SGCZ: variants seen among roughly 807,000 people sequenced by gnomAD.
The protein encoded by SGCZ is sarcoglycan zeta, also known as zeta-sarcoglycan.
In SGCZ, 40 loss-of-function variants were observed where a neutral mutation model predicts 41.3. The ratio of observed to expected loss-of-function variants is 0.97; its 90% CI spans 0.75 to 1.26. SGCZ has a LOEUF of 1.26. SGCZ is among the 50% of genes most tolerant of loss of function. SGCZ has a pLI of 0.00. For missense variants in SGCZ, 552 were observed against 369.8 expected (o/e 1.49, Z -4.04); for synonymous variants, 206 against 137.5 (o/e 1.50, Z -3.49).
intron 3 of SGCZ, among the ~76,000 whole-genome samples, chr8:14,266,221 T>A (rs1406574132): frequency 6.6e-6 from 1 of 152,084 alleles, no homozygotes; most frequent in African/African-American, 2.4e-5. Context: ...TCATATAAAT[T>A]GAACCAAAAT....
At chr8:14,401,507 A>G (rs1399000794) in intron 2 of SGCZ, among the ~76,000 whole-genome samples, 5 of 140,910 alleles carry the variant, frequency 3.5e-5, no homozygotes, top group Non-Finnish European at 7.5e-5. Context: ...CTCATTGTTC[A>G]GTTCCCACCT....
chr8:14,648,485 G>C (rs1585152897), intron 1 of SGCZ, among the ~76,000 whole-genome samples: 1 of 152,044 alleles, frequency 6.6e-6, no homozygotes, highest in East Asian at 1.9e-4. Context: ...AGTACATTGT[G>C]ACATGTTAAG....
intron 1 of SGCZ, among the ~76,000 whole-genome samples, chr8:15,033,016 G>A (rs1420126375): frequency 1.3e-5 from 2 of 151,934 alleles, no homozygotes; most frequent in Admixed American, 6.6e-5. Flanking sequence ...ACAGGCCAGC[G>A]CCTGTGGACA....
intron 4 of SGCZ, among the ~76,000 whole-genome samples, chr8:14,167,424 G>C (rs1176763725): frequency 6.6e-6 from 1 of 152,092 alleles, no homozygotes; most frequent in Admixed American, 6.6e-5. Flanking sequence ...GATCATAGGT[G>C]ATGGGATTAT....
chr8:15,099,856 G>A (rs894835254), intron 1 of SGCZ, among the ~76,000 whole-genome samples: 4 of 151,858 alleles, frequency 2.6e-5, no homozygotes, highest in African/African-American at 7.3e-5. Flanking sequence ...AAAATTACAT[G>A]ATCATATCAA....
intron 3 of SGCZ, among the ~76,000 whole-genome samples, chr8:14,302,994 G>C (rs183582137): frequency 1.3e-5 from 2 of 152,120 alleles, no homozygotes; most frequent in East Asian, 3.9e-4. Context: ...ACTTGCTCAG[G>C]GCCTCCTTTG....
chr8:14,539,251 T>C (rs1585060355), intron 2 of SGCZ, among the ~76,000 whole-genome samples: 1 of 152,130 alleles, frequency 6.6e-6, no homozygotes, highest in East Asian at 1.9e-4. Context: ...TTTCAGCCTC[T>C]AATACAAAAC....
chr8:15,022,663 C>T (rs1477213693), intron 1 of SGCZ, among the ~76,000 whole-genome samples: 1 of 152,034 alleles, frequency 6.6e-6, no homozygotes, highest in Non-Finnish European at 1.5e-5. Context: ...TTAAATAGAA[C>T]AACACATAAC....
chr8:15,077,793 T>C (rs1805593186), intron 1 of SGCZ, among the ~76,000 whole-genome samples: 3 of 152,200 alleles, frequency 2.0e-5, no homozygotes, highest in South Asian at 2.1e-4. Context: ...GATAGCTCCA[T>C]AGACCCATGC....
chr8:14,309,308 G>A (rs1801449219), intron 3 of SGCZ: 2 of 1,589,164 alleles, frequency 1.3e-6, no homozygotes, highest in Non-Finnish European at 1.7e-6. Context: ...TTTTAAGGAT[G>A]GTATTGAGAC....
intron 2 of SGCZ, among the ~76,000 whole-genome samples, chr8:14,333,437 G>T (rs147695283): frequency 6.6e-6 from 1 of 152,080 alleles, no homozygotes; most frequent in East Asian, 1.9e-4. Flanking sequence ...CTTTTAACAA[G>T]GCAATAAAGA....
rs75512900 is a variant in SGCZ, at chr8:14,318,241, G to C, written c.336+5862C>G. ...GAAAAGGAGAGGAACAGGAGGAAGA[G>C]GGAGAAGGGCAAGAAAAGGAAGAGA... On this transcript the variant is annotated intron_variant, in intron 3 of 7. Transcript: ENST00000382080. Among the ~76,000 whole-genome samples the C allele has an allele frequency of 2.8e-4, 42 of 151,794 alleles. 1 individual carries two copies. In the East Asian group the frequency reaches 7.6e-3, roughly 27 times the overall value.
At chr8:14,904,868 T>A (rs1799077144) in intron 1 of SGCZ, among the ~76,000 whole-genome samples, 1 of 152,002 alleles carries the variant, frequency 6.6e-6, no homozygotes, top group Non-Finnish European at 1.5e-5. Context: ...TTATTATTAT[T>A]TCTTCCTTAG....
At chr8:14,573,494 CT>C (rs1189734392) in intron 1 of SGCZ, among the ~76,000 whole-genome samples, 1 of 151,948 alleles carries the variant, frequency 6.6e-6, no homozygotes, top group Non-Finnish European at 1.5e-5. Flanking sequence ...GGCCGCAAGT[CT>C]TTTTTTATTC....
chr8:14,414,567 T>C (rs941798242), intron 2 of SGCZ, among the ~76,000 whole-genome samples: 1 of 151,932 alleles, frequency 6.6e-6, no homozygotes, highest in Non-Finnish European at 1.5e-5. Context: ...TATTAACAAG[T>C]CATGGAATTT....
chr8:14,530,881 T>C (rs1363672705), intron 2 of SGCZ, among the ~76,000 whole-genome samples: 2 of 152,066 alleles, frequency 1.3e-5, no homozygotes, highest in Non-Finnish European at 2.9e-5. Flanking sequence ...TTCACTTATA[T>C]GGAAAAATCC....
chr8:15,019,218 T>C (rs1339430889), intron 1 of SGCZ, among the ~76,000 whole-genome samples: 3 of 152,194 alleles, frequency 2.0e-5, no homozygotes, highest in South Asian at 4.1e-4. Context: ...GAATGACTTA[T>C]GGGGGTGAAG....
At chr8:15,196,892 T>C (rs1395754334) in intron 1 of SGCZ, among the ~76,000 whole-genome samples, 1 of 152,242 alleles carries the variant, frequency 6.6e-6, no homozygotes, top group African/African-American at 2.4e-5. Context: ...CCCACGGTTG[T>C]TGCTGGTTGG....
chr8:14,926,111 C>T (rs17601930), intron 1 of SGCZ, among the ~76,000 whole-genome samples: 18,600 of 152,086 alleles, frequency 0.12, 1,289 homozygotes, highest in African/African-American at 0.19. Context: ...AAGAAGAACA[C>T]AGGTCATTAA....
Sources: gnomAD v4.1 joint callset for allele counts (sites outside exome capture counted in the v4.1 genomes callset) on GRCh38, gnomAD v4.1.1 for gene constraint, MANE v1.5 for transcripts, NCBI Gene and HGNC (gene_info 2026-07-23, HGNC 2026-07-21) for gene names.